CBLL1: variants seen among roughly 807,000 people sequenced by gnomAD.
The protein encoded by CBLL1 is Cbl proto-oncogene like 1, also known as E3 ubiquitin-protein ligase Hakai.
A neutral mutation model predicts 44.9 loss-of-function variants in CBLL1; 4 were observed. That is an observed-to-expected ratio of 0.09 (90% CI 0.04 to 0.20). The LOEUF is 0.20. CBLL1 is among the 10% of genes least tolerant of loss of function. The pLI is 1.00. For missense variants in CBLL1, 569 were observed against 636.7 expected, an observed-to-expected ratio of 0.89 and a Z score of 1.14; for synonymous variants, 235 against 202.2, an observed-to-expected ratio of 1.16 and a Z score of -1.38.
chr7:107,756,775 A>G (rs1434903455), intron 5 of CBLL1, among the ~76,000 whole-genome samples: 2 of 152,208 alleles, frequency 1.3e-5, no homozygotes, highest in East Asian at 3.8e-4. Context: ...TACTAACCTT[A>G]CTAATGGACT....
chr7:107,752,664 T>C (rs1793357645), intron 2 of CBLL1: 2 of 1,070,654 alleles, frequency 1.9e-6, no homozygotes, highest in African/African-American at 3.3e-5. Context: ...TGATTGGTTT[T>C]CTGTTCTTTT....
In CBLL1 at chr7:107,748,985, C is replaced by T. The variant is rs781680484; in HGVS notation, c.119C>T (p.Pro40Leu). The T allele has an allele frequency of 6.2e-7, 1 of 1,614,152 alleles. No individual in the cohort carries two copies. The highest frequency in any genetic ancestry group is 2.2e-5 in the East Asian group (1 of 44,864). The change falls in exon 2 of 6, where the codon CCT becomes CTT. Residue 40 changes from proline to leucine, a missense_variant. Pro to Leu is a moderately conservative substitution (Grantham distance 98). Transcript: ENST00000440859. The part of the protein sequence containing the change: ...LISKQANKAK[P>L]APRTQRTINR... ...TCCAAACAAGCAAACAAAGCGAAAC[C>T]TGCACCGCGAACTCAAAGAACTATA...
At chr7:107,755,373 T>C in intron 4 of CBLL1, 45 bp from the exon 5 acceptor site, 1 of 1,081,246 alleles carries the variant, frequency 9.2e-7, no homozygotes, top group Non-Finnish European at 1.3e-6. Flanking sequence ...TTTAAAAATA[T>C]TATAAGTTCT....
In CBLL1 at chr7:107,758,786, G is replaced by A. The variant is rs753214879; in HGVS notation, c.1084G>A (p.Ala362Thr). ...TCCAATGCCACATCCTCCCCAGGCT[G>A]CAGGTACTCCTCACTTGGTATATAG... is the stretch of plus-strand genomic sequence containing the variant. ...SHPMPHPPQA[A>T]GTPHLVYSQA... is the part of the protein sequence containing the mutation. Residue 362 changes from alanine (A) to threonine (T), a missense_variant, in exon 6 of 6, where the codon GCA becomes ACA. Ala to Thr is a moderately conservative substitution (Grantham distance 58). This residue lies in a region of CBLL1 where 228 missense variants were observed against 253.2 expected (regional missense o/e 0.90). Coordinates refer to ENST00000440859, the MANE Select transcript of CBLL1 (RefSeq NM_024814.4). This position sits in a 1 kb window ranked among gnomAD's most constrained non-coding sequence, Gnocchi z 4.2. 6.2e-7 allele frequency: 1 copy of A among 1,613,222 alleles called. No individual in the cohort carries two copies. The highest frequency in any genetic ancestry group is 8.5e-7 in the Non-Finnish European group (1 of 1,179,752).
chr7:107,752,763 A>G (rs1793361172), intron 2 of CBLL1: 1 of 313,904 alleles, frequency 3.2e-6, no homozygotes, highest in Non-Finnish European at 6.3e-6. Context: ...GTTTATTGAT[A>G]TTGATAAATG....
rs760656107 is a variant in CBLL1, at chr7:107,758,746, A to G, written c.1044A>G (p.Pro348=). 1.2e-6 allele frequency: 2 copies of G among 1,613,066 alleles called. No homozygotes were observed. The part of the protein sequence containing the change: ...QQHYAPPPPP[P]PPISHPMPHP... The stretch of plus-strand genomic sequence containing the variant: ...ATTATGCACCACCCCCACCTCCTCC[A>G]CCACCAATAAGCCATCCAATGCCAC... Residue 348 remains proline (P), a synonymous_variant, in exon 6 of 6, where the codon CCA becomes CCG. Coordinates refer to ENST00000440859, the MANE Select transcript of CBLL1 (RefSeq NM_024814.4). The surrounding 1 kb of genome is among the most constrained non-coding windows in gnomAD (Gnocchi z 4.2).
intron 5 of CBLL1, among the ~76,000 whole-genome samples, chr7:107,756,931 T>A (rs1793552899): frequency 6.6e-6 from 1 of 152,150 alleles, no homozygotes; most frequent in African/African-American, 2.4e-5. Flanking sequence ...TTACTGTTCT[T>A]AAGCACCACC....
intron 5 of CBLL1, among the ~76,000 whole-genome samples, chr7:107,757,054 AAGG>A (rs1461144379): frequency 6.6e-6 from 1 of 152,204 alleles, no homozygotes; most frequent in Non-Finnish European, 1.5e-5. Flanking sequence ...TAACATCAAT[AAGG>A]AGTGCCAGCC....
chr7:107,745,481 G>A (rs1473640364), intron 1 of CBLL1, among the ~76,000 whole-genome samples: 2 of 152,234 alleles, frequency 1.3e-5, no homozygotes, highest in South Asian at 2.1e-4. Flanking sequence ...GAGGGCAGCA[G>A]GCACATCATT....
intron 1 of CBLL1, among the ~76,000 whole-genome samples, chr7:107,745,712 C>A (rs186703977): frequency 2.6e-5 from 4 of 152,220 alleles, no homozygotes; most frequent in African/African-American, 9.6e-5. Flanking sequence ...TGGGCAGCTT[C>A]AGTAAATACT....
intron 2 of CBLL1, 143 bp from the exon 3 acceptor site, chr7:107,753,268 T>A (rs1793384527): frequency 1.8e-6 from 1 of 558,412 alleles, no homozygotes; most frequent in Non-Finnish European, 3.2e-6. Flanking sequence ...TTTAAAGTAA[T>A]CTTGATTGTC....
chr7:107,757,360 C>G (rs987585782), intron 5 of CBLL1, among the ~76,000 whole-genome samples: 1 of 152,134 alleles, frequency 6.6e-6, no homozygotes, highest in Admixed American at 6.5e-5. Context: ...GGTTCAATGA[C>G]TTCAAATTAC....
At chr7:107,748,517 CTT>C (rs1333846054) in intron 1 of CBLL1, among the ~76,000 whole-genome samples, 1 of 151,996 alleles carries the variant, frequency 6.6e-6, no homozygotes, top group African/African-American at 2.4e-5. Context: ...CCTTCTTACT[CTT>C]TTTCTTTTAA....
intron 2 of CBLL1, among the ~76,000 whole-genome samples, chr7:107,751,105 G>A (rs555365557): frequency 6.6e-6 from 1 of 152,224 alleles, no homozygotes; most frequent in African/African-American, 2.4e-5. Flanking sequence ...TGGTTTCGTG[G>A]AAGACAGTTT....
intron 1 of CBLL1, 150 bp downstream of exon 1, chr7:107,744,326 G>C: frequency 9.9e-7 from 1 of 1,005,626 alleles, no homozygotes; most frequent in African/African-American, 1.7e-5. Context: ...TCCTGTGCCC[G>C]GCAGGGGCCT....
In CBLL1 at chr7:107,759,340, T is replaced by C; in HGVS notation, c.*162T>C. ...ATGGTTTTAAATCTTGACCTTAAGA[T>C]TGATTTCAAGTACCATACTGTAGTA... On this transcript the variant is annotated 3_prime_UTR_variant, in exon 6 of 6. Coordinates refer to ENST00000440859, the MANE Select transcript of CBLL1 (RefSeq NM_024814.4). The C allele has an allele frequency of 1.6e-6, 1 of 641,822 alleles. No homozygotes were observed. Among genetic ancestry groups the C allele is most frequent in the South Asian group, 2.1e-5 (1 of 47,956 alleles). 39.8% of individuals were successfully genotyped at this position (641,822 alleles called of 1,614,324 possible).
chr7:107,749,090 T>C, intron 2 of CBLL1, 43 bp downstream of exon 2: 5 of 1,587,306 alleles, frequency 3.1e-6, no homozygotes, highest in Non-Finnish European at 4.3e-6. Context: ...TTCTGTTTTA[T>C]CTGATTGCTT....
intron 2 of CBLL1, 27 bp downstream of exon 2, chr7:107,749,074 CA>C: frequency 6.2e-7 from 1 of 1,607,410 alleles, no homozygotes; most frequent in East Asian, 2.2e-5. Flanking sequence ...ATAGGTCCAA[CA>C]CTCTTTCTGT....
In CBLL1 at chr7:107,759,225, G is replaced by A. The variant is rs766589586; in HGVS notation, c.*47G>A. 1 of 1,484,334 alleles carries A rather than the reference G, an allele frequency of 6.7e-7. No homozygotes were observed. The highest frequency in any genetic ancestry group is 1.3e-5 in the South Asian group (1 of 77,048). 91.9% of individuals were successfully genotyped at this position (1,484,334 alleles called of 1,614,324 possible). A position where few individuals can be genotyped will look rare whatever the true frequency, so the allele number is the denominator to read the frequency against. ...ATATGAGGGGGAAAAAAACTTATGT[G>A]TAGTCAATCTTTTAAGCTTTGACTG... On this transcript the variant is annotated 3_prime_UTR_variant, in exon 6 of 6. Coordinates refer to ENST00000440859, the MANE Select transcript of CBLL1 (RefSeq NM_024814.4).
Sources: allele counts gnomAD v4.1 joint callset (sites outside exome capture counted in the v4.1 genomes callset), GRCh38; gene constraint gnomAD v4.1.1; regional missense constraint gnomAD v4.1.1; non-coding constraint Gnocchi (gnomAD v3.1); transcripts MANE v1.5; gene names NCBI Gene and HGNC (gene_info 2026-07-23, HGNC 2026-07-21).